TMEM267: variants seen among roughly 807,000 people sequenced by gnomAD.
TMEM267 encodes the protein transmembrane protein 267, also known as transmembrane protein C5orf28.
In TMEM267, 20 loss-of-function variants were observed where a neutral mutation model predicts 19.3. That is an observed-to-expected ratio of 1.04 (90% CI 0.73 to 1.51). The LOEUF (loss-of-function observed/expected upper bound fraction) is 1.51. Ranked by LOEUF, TMEM267 falls within the 40% of genes most tolerant of loss-of-function variation. The probability of loss-of-function intolerance (pLI) is 0.00; values close to 1 mark genes in which losing one functional copy is unlikely to be tolerated. For missense variants in TMEM267, 242 were observed against 261.9 expected, an observed-to-expected ratio of 0.92 and a Z score of 0.52; for synonymous variants, 88 against 90.3, an observed-to-expected ratio of 0.97 and a Z score of 0.15.
chr5:43,468,632 T>C (rs190680385), intron 1 of TMEM267, among the ~76,000 whole-genome samples: 145 of 152,340 alleles, frequency 9.5e-4, no homozygotes, highest in African/African-American at 3.2e-3. Flanking sequence ...GTGTTATGGA[T>C]GCATCCTCAA....
At chr5:43,458,102 T>C (rs1207065656) in intron 1 of TMEM267, among the ~76,000 whole-genome samples, 1 of 152,100 alleles carries the variant, frequency 6.6e-6, no homozygotes, top group African/African-American at 2.4e-5. Context: ...AAAAAATTCT[T>C]TCTTTCCTTA....
rs769398385 is a variant in TMEM267, at chr5:43,446,540, C to T, written c.330G>A (p.Pro110=). The part of the protein sequence containing the change: ...SMSLKAALTL[P]RRPFLHCSTV... ...TAGAACAGTGAAGGAAAGGTCTTCG[C>T]GGGAGAGTCAAAGCAGCCTGAGGGA... is the stretch of plus-strand genomic sequence containing the variant. The change falls in exon 3 of 3, where the codon CCG becomes CCA. Residue 110 remains proline (P), a synonymous_variant. Coordinates refer to ENST00000397080, the MANE Select transcript of TMEM267 (RefSeq NM_022483.5). 1.3e-5 allele frequency: 21 copies of T among 1,608,672 alleles called. No homozygotes were observed. The highest frequency in any genetic ancestry group is 1.0e-4 in the Admixed American group (6 of 59,508).
chr5:43,482,888 T>C (rs1361082850), intron 1 of TMEM267, among the ~76,000 whole-genome samples: 1 of 152,238 alleles, frequency 6.6e-6, no homozygotes, highest in Non-Finnish European at 1.5e-5. Flanking sequence ...AATAATCTCT[T>C]AGACATTATT....
chr5:43,458,341 A>G lies in TMEM267; in HGVS notation c.-74-4298T>C, dbSNP rs1161843609. ...GGTCTGCAGCTCCTGGCCTCAAGCA[A>G]TCTTCCCACCTCAGCCTCCCAAAGT... On this transcript the variant is annotated intron_variant, in intron 1 of 2. Transcript: ENST00000397080. Among the ~76,000 whole-genome samples the G allele has an allele frequency of 2.6e-5, 4 of 152,162 alleles. No individual in the cohort carries two copies. In the East Asian group the frequency reaches 7.7e-4, roughly 29 times the overall value.
At chr5:43,456,252 CTA>C (rs1742943654) in intron 1 of TMEM267, among the ~76,000 whole-genome samples, 1 of 152,138 alleles carries the variant, frequency 6.6e-6, no homozygotes, top group Admixed American at 6.5e-5. Context: ...AAACCTGAAT[CTA>C]TATCTTACTC....
rs370424813 is a variant in TMEM267, at chr5:43,477,956, C to T, written c.-75+5866G>A. On this transcript the variant is annotated intron_variant, in intron 1 of 2. Coordinates refer to ENST00000397080, the MANE Select transcript of TMEM267 (RefSeq NM_022483.5). ...TTTGACTCTACAGTGGGTTTGTGGG[C>T]GTTAATGTATTTTCAACTTATGTAA... Among the ~76,000 whole-genome samples, 9 of 152,188 alleles carry T rather than the reference C, an allele frequency of 5.9e-5. No individual in the cohort carries two copies. The East Asian group carries it at 9.6e-4, about 16-fold the overall frequency.
At chr5:43,477,337 C>A (rs1029203842) in intron 1 of TMEM267, among the ~76,000 whole-genome samples, 6 of 152,066 alleles carry the variant, frequency 3.9e-5, no homozygotes, top group African/African-American at 1.4e-4. Flanking sequence ...GCCTGTAATC[C>A]CAGCACTTTG....
chr5:43,476,673 C>T (rs1470630607), intron 1 of TMEM267, among the ~76,000 whole-genome samples: 3 of 151,386 alleles, frequency 2.0e-5, no homozygotes, highest in Admixed American at 6.6e-5. Flanking sequence ...TGAAAGAGTA[C>T]ATGCTAATAA....
chr5:43,472,458 G>C (rs1199741425), intron 1 of TMEM267, among the ~76,000 whole-genome samples: 3 of 147,126 alleles, frequency 2.0e-5, no homozygotes, highest in African/African-American at 7.6e-5. Flanking sequence ...CGAAAAGAAA[G>C]GAAATCAGTA....
chr5:43,471,421 C>T (rs1744060049), intron 1 of TMEM267, among the ~76,000 whole-genome samples: 1 of 150,350 alleles, frequency 6.7e-6, no homozygotes. Flanking sequence ...ACATTCTTCA[C>T]AGAAACAGAA....
intron 1 of TMEM267, among the ~76,000 whole-genome samples, chr5:43,483,452 C>T (rs184580800): frequency 1.1e-4 from 17 of 152,196 alleles, no homozygotes; most frequent in Non-Finnish European, 1.8e-4. Context: ...CGGTTAAGGA[C>T]GGCAATGGGC....
chr5:43,483,508 C>A (rs535375802), intron 1 of TMEM267, among the ~76,000 whole-genome samples: 1 of 152,172 alleles, frequency 6.6e-6, no homozygotes, highest in Non-Finnish European at 1.5e-5. Flanking sequence ...CAGAAAAAGG[C>A]CAGGGGCGCG....
At chr5:43,451,024 A>T (rs1742556216) in intron 2 of TMEM267, among the ~76,000 whole-genome samples, 1 of 151,888 alleles carries the variant, frequency 6.6e-6, no homozygotes, top group Non-Finnish European at 1.5e-5. Flanking sequence ...TTTTTAGTAG[A>T]GACGGGATTT....
intron 2 of TMEM267, among the ~76,000 whole-genome samples, chr5:43,447,522 C>T (rs370021734): frequency 2.2e-4 from 34 of 152,138 alleles, no homozygotes; most frequent in East Asian, 1.2e-3. Context: ...TAATTTGCAG[C>T]GAGATAATCC....
intron 1 of TMEM267, chr5:43,479,863 C>T: frequency 2.3e-6 from 1 of 443,984 alleles, no homozygotes; most frequent in South Asian, 1.6e-5. Context: ...AGAGATGTGA[C>T]CAAAATACAA....
intron 1 of TMEM267, among the ~76,000 whole-genome samples, chr5:43,480,283 C>T (rs1024037322): frequency 6.6e-6 from 1 of 152,094 alleles, no homozygotes; most frequent in African/African-American, 2.4e-5. Flanking sequence ...GCTCTGCTGC[C>T]ACTCAATCTT....
chr5:43,466,917 G>A (rs1411574551), intron 1 of TMEM267, among the ~76,000 whole-genome samples: 1 of 152,102 alleles, frequency 6.6e-6, no homozygotes, highest in Non-Finnish European at 1.5e-5. Flanking sequence ...GGGAAAGCAA[G>A]GTGAGTCGAT....
At chr5:43,459,666 G>A (rs897225336) in intron 1 of TMEM267, among the ~76,000 whole-genome samples, 6 of 152,316 alleles carry the variant, frequency 3.9e-5, no homozygotes, top group South Asian at 2.1e-4. Flanking sequence ...TATGGGGTAA[G>A]AGGATGCTTA....
Position 43,453,781 on chromosome 5 carries a change from C to T in TMEM267, c.189G>A (p.Trp63Ter), listed in dbSNP as rs1302746922. 2 of 1,613,998 alleles carry T rather than the reference C, an allele frequency of 1.2e-6. No homozygotes were observed. The highest frequency in any genetic ancestry group is 1.1e-5 in the South Asian group (1 of 91,094). The change falls in exon 2 of 3, where the codon TGG becomes TGA. Residue 63 changes from tryptophan (W) to a stop codon, truncating the protein, a stop_gained. Coordinates refer to ENST00000397080, the MANE Select transcript of TMEM267 (RefSeq NM_022483.5). LOFTEE classifies it high-confidence loss of function. ...DNAVHCVIGM[W>*]SWAVVTGIKK... is the part of the protein sequence containing the mutation. ...TGATTCCAGTGACTACCGCCCATGA[C>T]CACATGCCAATTACACAATGTACTG...
Sources: gnomAD v4.1 joint callset for allele counts (sites outside exome capture counted in the v4.1 genomes callset) on GRCh38, gnomAD v4.1.1 for gene constraint, MANE v1.5 for transcripts, NCBI Gene and HGNC (gene_info 2026-07-23, HGNC 2026-07-21) for gene names.